The following ADAMTSL1 variants were observed in gnomAD, a reference collection of about 807,000 sequenced individuals.
The protein encoded by ADAMTSL1 is ADAMTS-like protein 1.
A neutral mutation model predicts 201.8 loss-of-function variants in ADAMTSL1; 126 were observed. The ratio of observed to expected loss-of-function variants is 0.62; its 90% confidence interval spans 0.54 to 0.72. The LOEUF is 0.72. Among genes scored for constraint, ADAMTSL1 ranks in the 30% least tolerant of loss-of-function variants. ADAMTSL1 has a pLI of 0.00. For missense variants in ADAMTSL1, 2,679 were observed against 2,277.8 expected, an observed-to-expected ratio of 1.18 and a Z score of -3.59; for synonymous variants, 1,121 against 903.4, an observed-to-expected ratio of 1.24 and a Z score of -4.32.
At chr9:18,399,234 G>C (rs985963955) in intron 2 of ADAMTSL1, among the ~76,000 whole-genome samples, 1 of 121,966 alleles carries the variant, frequency 8.2e-6, no homozygotes, top group African/African-American at 3.1e-5. Context: ...ACAAACTTAA[G>C]GATTGAAGGA....
chr9:18,527,793 A>T (rs955662936), intron 2 of ADAMTSL1, among the ~76,000 whole-genome samples: 6 of 152,222 alleles, frequency 3.9e-5, no homozygotes. Flanking sequence ...GAATTAAATC[A>T]AAATCTGACT....
chr9:18,776,241 C>G (rs1820980076), intron 18 of ADAMTSL1, among the ~76,000 whole-genome samples: 1 of 152,162 alleles, frequency 6.6e-6, no homozygotes, highest in Non-Finnish European at 1.5e-5. Flanking sequence ...CAGATTTGTT[C>G]TGTTTAATAT....
upstream of ADAMTSL1, among the ~76,000 whole-genome samples, chr9:18,473,519 T>G (rs1288660434): frequency 6.6e-6 from 1 of 152,210 alleles, no homozygotes; most frequent in Admixed American, 6.5e-5. Context: ...ACAAAATAAC[T>G]TATGCCACTG....
chr9:18,077,814 G>C (rs77957673), intron 1 of ADAMTSL1, among the ~76,000 whole-genome samples: 5,719 of 152,236 alleles, frequency 0.038, 336 homozygotes, highest in African/African-American at 0.13. Context: ...CAGGAGAAGG[G>C]GCTAATCGGA....
At chr9:18,851,553 G>A (rs1216572828) in intron 23 of ADAMTSL1, among the ~76,000 whole-genome samples, 2 of 152,186 alleles carry the variant, frequency 1.3e-5, no homozygotes, top group African/African-American at 4.8e-5. Context: ...GGAACAAAAG[G>A]AAGTAAAGTA....
In ADAMTSL1 at chr9:18,579,164, C is replaced by T. The variant is rs1442398281; in HGVS notation, c.474+4898C>T. On this transcript the variant is annotated intron_variant, in intron 4 of 28. Coordinates refer to ENST00000380548, the MANE Select transcript of ADAMTSL1 (RefSeq NM_001040272.6). ...TATACACCATGGAATACTATGCAGC[C>T]GTAAAAAATGATGAGTTCATGTCCT... is the stretch of plus-strand genomic sequence containing the variant. Among the ~76,000 whole-genome samples, 5 of 150,218 alleles carry T rather than the reference C, an allele frequency of 3.3e-5. No individual in the cohort carries two copies. The East Asian group carries it at 5.8e-4, about 18-fold the overall frequency.
intron 2 of ADAMTSL1, among the ~76,000 whole-genome samples, chr9:18,387,709 G>T (rs929775109): frequency 6.6e-6 from 1 of 151,654 alleles, no homozygotes; most frequent in Admixed American, 6.6e-5. Context: ...CTATAAAATG[G>T]TTTTTTAGAT....
chr9:18,344,084 C>T (rs1374912017), intron 2 of ADAMTSL1, among the ~76,000 whole-genome samples: 3 of 152,104 alleles, frequency 2.0e-5, no homozygotes, highest in Non-Finnish European at 4.4e-5. Context: ...GTCCTAAAGG[C>T]TGTCTATGCA....
chr9:18,034,990 C>A (rs937538821), intron 1 of ADAMTSL1, among the ~76,000 whole-genome samples: 2 of 152,102 alleles, frequency 1.3e-5, no homozygotes, highest in African/African-American at 4.8e-5. Flanking sequence ...GTTCTAGTTC[C>A]TTCTCTGTTA....
intron 17 of ADAMTSL1, 145 bp from the exon 18 acceptor site, chr9:18,775,598 G>T: frequency 9.0e-7 from 1 of 1,107,728 alleles, no homozygotes; most frequent in Non-Finnish European, 1.3e-6. Flanking sequence ...CTTCCACATT[G>T]TGACCTCATA....
intron 2 of ADAMTSL1, among the ~76,000 whole-genome samples, chr9:18,330,645 T>A (rs1216357007): frequency 6.6e-6 from 1 of 152,178 alleles, no homozygotes; most frequent in Non-Finnish European, 1.5e-5. Context: ...ACATGTGGGA[T>A]ATTATCCCAA....
chr9:18,814,188 A>G (rs371211397), intron 20 of ADAMTSL1, among the ~76,000 whole-genome samples: 2 of 152,184 alleles, frequency 1.3e-5, no homozygotes, highest in Non-Finnish European at 2.9e-5. Context: ...GATATATCAC[A>G]TTTGTTGATC....
chr9:18,082,679 C>T (rs12341372), intron 1 of ADAMTSL1, among the ~76,000 whole-genome samples: 52,368 of 152,016 alleles, frequency 0.34, 9,873 homozygotes, highest in Non-Finnish European at 0.43. Context: ...GGTCTCCTGC[C>T]GTAGGCTCAA....
intron 2 of ADAMTSL1, among the ~76,000 whole-genome samples, chr9:18,364,932 T>C (rs73430977): frequency 0.022 from 3,374 of 151,950 alleles, 116 homozygotes; most frequent in African/African-American, 0.075. Context: ...TCATCAGAAC[T>C]CCGCCCCCAT....
At chr9:18,903,403 A>C (rs548963757) in intron 26 of ADAMTSL1, among the ~76,000 whole-genome samples, 1 of 152,232 alleles carries the variant, frequency 6.6e-6, no homozygotes, top group Non-Finnish European at 1.5e-5. Flanking sequence ...AAACAGGCAT[A>C]AACTAAACTG....
chr9:18,273,503 A>G (rs1002476955), intron 2 of ADAMTSL1, among the ~76,000 whole-genome samples: 1 of 152,244 alleles, frequency 6.6e-6, no homozygotes, highest in Non-Finnish European at 1.5e-5. Flanking sequence ...AGAAAAGAGG[A>G]AAATTGGTAA....
rs564666424 is a variant in ADAMTSL1, at chr9:18,604,578, T to C, written c.475-17665T>C. Among the ~76,000 whole-genome samples the C allele has an allele frequency of 7.2e-5, 11 of 152,352 alleles. No individual in the cohort carries two copies. The South Asian group carries it at 2.1e-3, about 29-fold the overall frequency. ...AGGTCTTCAAGGTTCTTCTATGTCA[T>C]AGCAAGTCATAATTACATTCCTTTT... is the stretch of plus-strand genomic sequence containing the variant. On this transcript the variant is annotated intron_variant, in intron 4 of 28. Coordinates refer to ENST00000380548, the MANE Select transcript of ADAMTSL1 (RefSeq NM_001040272.6).
intron 2 of ADAMTSL1, among the ~76,000 whole-genome samples, chr9:18,345,516 G>A (rs2132990592): frequency 6.6e-6 from 1 of 152,128 alleles, no homozygotes; most frequent in East Asian, 1.9e-4. Context: ...CATTTTCAGT[G>A]ATCGAGAATT....
chr9:18,841,300 G>T lies in ADAMTSL1; in HGVS notation c.4249+11323G>T, dbSNP rs1254019887. Among the ~76,000 whole-genome samples the T allele has an allele frequency of 4.0e-5, 6 of 151,854 alleles. 1 individual carries two copies. The highest frequency in any genetic ancestry group is 2.0e-4 in the Admixed American group (3 of 15,248). ...TCTGCATCTATTGAGATAATCATGT[G>T]GTTTTTGTCTTTGGTTCTGTTTATA... On this transcript the variant is annotated intron_variant, in intron 23 of 28. Transcript: ENST00000380548.
Sources: gnomAD v4.1 joint callset for allele counts (sites outside exome capture counted in the v4.1 genomes callset) on GRCh38, gnomAD v4.1.1 for gene constraint, MANE v1.5 for transcripts, NCBI Gene and HGNC (gene_info 2026-07-23, HGNC 2026-07-21) for gene names.